The following KCNAB1 variants were observed in gnomAD, a reference collection of about 807,000 sequenced individuals.
KCNAB1 encodes the protein voltage-gated potassium channel subunit beta-1.
In KCNAB1, 35 loss-of-function variants were observed where a neutral mutation model predicts 64.6. The observed-to-expected ratio is 0.54, with a 90% CI of 0.41 to 0.72. The LOEUF (loss-of-function observed/expected upper bound fraction) is 0.72. Ranked by LOEUF, KCNAB1 falls within the 30% of genes least tolerant of loss-of-function variation. The pLI is 0.00. For synonymous variants in KCNAB1, 177 were observed against 183.8 expected (o/e 0.96, Z 0.30); for missense variants, 401 against 512.9 (o/e 0.78, Z 2.11).
chr3:156,234,655 G>A lies in KCNAB1; in HGVS notation c.275+113769G>A, dbSNP rs1277705361. Among the ~76,000 whole-genome samples the A allele has an allele frequency of 2.0e-5, 3 of 152,122 alleles. 1 individual carries two copies. Among genetic ancestry groups the A allele is most frequent in the South Asian group, 4.1e-4 (2 of 4,826 alleles). ...AAGATGAAAGGACTAGGGAAGCAGA[G>A]TATGATTTCTGGGTACCACTAAGGG... is the stretch of plus-strand genomic sequence containing the variant. On this transcript the variant is annotated intron_variant, in intron 1 of 13. Coordinates refer to ENST00000490337, the MANE Select transcript of KCNAB1 (RefSeq NM_172160.3).
chr3:156,395,033 T>C (rs562680884), intron 1 of KCNAB1, among the ~76,000 whole-genome samples: 2 of 152,200 alleles, frequency 1.3e-5, no homozygotes, highest in Non-Finnish European at 2.9e-5. Context: ...AGACATGAAG[T>C]AGAGCTTCCC....
At chr3:156,533,643 G>A (rs1367962659) in intron 13 of KCNAB1, among the ~76,000 whole-genome samples, 1 of 152,136 alleles carries the variant, frequency 6.6e-6, no homozygotes, top group Non-Finnish European at 1.5e-5. Flanking sequence ...GTAGAATGAA[G>A]GGCAAGGGCA....
At chr3:156,399,110 C>T (rs1281577567) in intron 1 of KCNAB1, among the ~76,000 whole-genome samples, 2 of 152,186 alleles carry the variant, frequency 1.3e-5, no homozygotes, top group African/African-American at 4.8e-5. Context: ...AGCTTACACT[C>T]ATGATTATTT....
At chr3:156,331,526 T>C (rs1723328691) in intron 1 of KCNAB1, among the ~76,000 whole-genome samples, 1 of 152,060 alleles carries the variant, frequency 6.6e-6, no homozygotes, top group Non-Finnish European at 1.5e-5. Flanking sequence ...ATTTAAAAAA[T>C]ATTTTGACAT....
chr3:156,204,069 TTAGAG>T (rs1258048597), intron 1 of KCNAB1, among the ~76,000 whole-genome samples: 10 of 152,234 alleles, frequency 6.6e-5, no homozygotes, highest in Non-Finnish European at 1.3e-4. Flanking sequence ...AAAGAAGAGC[TTAGAG>T]TAGAAACCAA....
At chr3:156,484,595 G>A (rs958366900) in intron 8 of KCNAB1, among the ~76,000 whole-genome samples, 2 of 152,004 alleles carry the variant, frequency 1.3e-5, no homozygotes, top group African/African-American at 4.8e-5. Flanking sequence ...TAAGTTCCTC[G>A]ATCTGCTGCA....
chr3:156,465,016 T>C (rs1308360999), intron 6 of KCNAB1, among the ~76,000 whole-genome samples: 1 of 152,096 alleles, frequency 6.6e-6, no homozygotes, highest in Non-Finnish European at 1.5e-5. Context: ...CTGCCAAAGG[T>C]ATTGATGTTG....
In KCNAB1 at chr3:156,353,424, T is replaced by C. The variant is rs1381710714; in HGVS notation, c.276-68192T>C. Among the ~76,000 whole-genome samples the C allele has an allele frequency of 3.3e-5, 5 of 152,220 alleles. No individual in the cohort carries two copies. In the East Asian group the frequency reaches 5.8e-4, roughly 18 times the overall value. On this transcript the variant is annotated intron_variant, in intron 1 of 13. Coordinates refer to ENST00000490337, the MANE Select transcript of KCNAB1 (RefSeq NM_172160.3). ...GCTCACATTCAGACCAGTGAACATATTAAGTTTTGGAGGTTGTATCAGTTG... is the reference window on the plus strand; with the variant it reads ...GCTCACATTCAGACCAGTGAACATACTAAGTTTTGGAGGTTGTATCAGTTG...
At chr3:156,411,736 A>G (rs1248786636) in intron 1 of KCNAB1, among the ~76,000 whole-genome samples, 2 of 152,100 alleles carry the variant, frequency 1.3e-5, no homozygotes, top group African/African-American at 4.8e-5. Context: ...TTTCATTTAT[A>G]TGTGCTTCAC....
At chr3:156,423,176 G>A (rs1003016833) in intron 2 of KCNAB1, among the ~76,000 whole-genome samples, 2 of 152,248 alleles carry the variant, frequency 1.3e-5, no homozygotes, top group African/African-American at 4.8e-5. Context: ...GAGAAATGGA[G>A]TGGCACTGAG....
intron 1 of KCNAB1, among the ~76,000 whole-genome samples, chr3:156,324,024 T>C (rs1722827354): frequency 6.6e-6 from 1 of 152,180 alleles, no homozygotes; most frequent in Non-Finnish European, 1.5e-5. Context: ...CATAGAACAA[T>C]TATCAAAAAC....
chr3:156,526,076 C>T (rs1330102318), intron 12 of KCNAB1, among the ~76,000 whole-genome samples: 1 of 152,112 alleles, frequency 6.6e-6, no homozygotes, highest in African/African-American at 2.4e-5. Context: ...CATTTTATAC[C>T]ATATTTTTAC....
chr3:156,362,181 A>C (rs944716059), intron 1 of KCNAB1, among the ~76,000 whole-genome samples: 1 of 152,222 alleles, frequency 6.6e-6, no homozygotes, highest in Non-Finnish European at 1.5e-5. Context: ...TGTACAGTGA[A>C]AGGATTATGG....
chr3:156,482,594 G>T (rs1714907073), intron 8 of KCNAB1, among the ~76,000 whole-genome samples: 1 of 152,034 alleles, frequency 6.6e-6, no homozygotes, highest in African/African-American at 2.4e-5. Context: ...CTCCAAAATA[G>T]CAAAGGTATG....
intron 1 of KCNAB1, among the ~76,000 whole-genome samples, chr3:156,195,974 G>A (rs891872601): frequency 2.8e-4 from 42 of 152,168 alleles, no homozygotes; most frequent in African/African-American, 1.0e-3. Context: ...TAAAGTGTAA[G>A]AAAGGAGTCC....
rs141996883 is a variant in KCNAB1, at chr3:156,229,499, G to A, written c.275+108613G>A. Among the ~76,000 whole-genome samples the A allele has an allele frequency of 8.9e-3, 1,360 of 152,298 alleles. 19 individuals carry two copies. Among genetic ancestry groups the A allele is most frequent in the African/African-American group, 0.031 (1,291 of 41,536 alleles). On this transcript the variant is annotated intron_variant, in intron 1 of 13. Transcript: ENST00000490337. ...GGGACACAAATTTAAACCATATTATGTGGTTACAGATAAAAGATGGAACAC... is the reference window on the plus strand; with the variant it reads ...GGGACACAAATTTAAACCATATTATATGGTTACAGATAAAAGATGGAACAC...
intron 1 of KCNAB1, among the ~76,000 whole-genome samples, chr3:156,330,662 A>G (rs111278780): frequency 2.0e-5 from 3 of 152,272 alleles, no homozygotes; most frequent in Admixed American, 6.5e-5. Context: ...AGCAGTGACC[A>G]TTCTTTCATC....
chr3:156,249,840 AG>A (rs925285475), intron 1 of KCNAB1, among the ~76,000 whole-genome samples: 55 of 152,322 alleles, frequency 3.6e-4, no homozygotes, highest in South Asian at 8.3e-4. Context: ...CTGTCAACAC[AG>A]GCTCCACACT....
intron 1 of KCNAB1, among the ~76,000 whole-genome samples, chr3:156,322,902 TGAG>T (rs985775542): frequency 2.6e-5 from 4 of 152,052 alleles, no homozygotes; most frequent in African/African-American, 9.7e-5. Context: ...TCCACATATC[TGAG>T]GAGACTACAC....
Sources: gnomAD v4.1 joint callset for allele counts (sites outside exome capture counted in the v4.1 genomes callset) on GRCh38, gnomAD v4.1.1 for gene constraint, MANE v1.5 for transcripts, NCBI Gene and HGNC (gene_info 2026-07-23, HGNC 2026-07-21) for gene names.